Variants in RAG1 observed in about 807,000 individuals in gnomAD.
RAG1 encodes the protein recombination activating 1, also known as V(D)J recombination-activating protein 1.
In RAG1, 35 loss-of-function variants were observed where a neutral mutation model predicts 62.7. That is an observed-to-expected ratio of 0.56 (90% confidence interval 0.43 to 0.74). The LOEUF is 0.74. RAG1 is among the 30% of genes least tolerant of loss of function. RAG1 has a pLI of 0.00. For missense variants in RAG1, 1,169 were observed against 1,278.6 expected (o/e 0.91, Z 1.31); for synonymous variants, 461 against 470.3 (o/e 0.98, Z 0.26).
chr11:36,526,235 TC>T (rs1417561507), intron 2 of RAG1, among the ~76,000 whole-genome samples: 1 of 54,088 alleles, frequency 1.8e-5, no homozygotes, highest in Non-Finnish European at 3.5e-5. Context: ...CCTTCCCCCC[TC>T]CCCCCACCCC....
At chr11:36,568,841 AG>A (rs1564986649) in intron 1 of RAG1, among the ~76,000 whole-genome samples, 1 of 152,186 alleles carries the variant, frequency 6.6e-6, no homozygotes, top group Non-Finnish European at 1.5e-5. Context: ...GGTTGTCTGA[AG>A]GAAGAGCAAG....
chr11:36,551,406 T>C (rs574528579), intron 3 of RAG1, among the ~76,000 whole-genome samples: 2 of 152,196 alleles, frequency 1.3e-5, no homozygotes, highest in African/African-American at 4.8e-5. Context: ...TTTTGGAGGC[T>C]AGAAGTTTGA....
chr11:36,519,356 A>G (rs1860043247), intron 1 of RAG1, among the ~76,000 whole-genome samples: 1 of 152,216 alleles, frequency 6.6e-6, no homozygotes, highest in Non-Finnish European at 1.5e-5. Context: ...ACACAGTTGG[A>G]AACTGAAATT....
intron 1 of RAG1, among the ~76,000 whole-genome samples, chr11:36,518,369 A>T (rs1422170593): frequency 6.6e-6 from 1 of 152,114 alleles, no homozygotes. Context: ...AATGGGATGG[A>T]TGGGTCAAAT....
chr11:36,528,003 T>C (rs534632953), intron 2 of RAG1, among the ~76,000 whole-genome samples: 4 of 151,876 alleles, frequency 2.6e-5, no homozygotes, highest in Non-Finnish European at 5.9e-5. Flanking sequence ...AAATATACAA[T>C]CATGTCATCT....
At chr11:36,557,617 G>A (rs1218785904) in intron 3 of RAG1, among the ~76,000 whole-genome samples, 1 of 152,040 alleles carries the variant, frequency 6.6e-6, no homozygotes, top group African/African-American at 2.4e-5. Context: ...GTTCCTATTC[G>A]GCCATCTTGG....
intron 3 of RAG1, among the ~76,000 whole-genome samples, chr11:36,560,220 G>A (rs921963938): frequency 3.9e-5 from 6 of 152,188 alleles, no homozygotes; most frequent in Non-Finnish European, 7.3e-5. Context: ...GGTAGGGTAT[G>A]TGTTGGGCAT....
At position 36,575,952 on chromosome 11, in the gene RAG1, G is replaced by A. The variant is rs761022716; in HGVS notation, c.2648G>A (p.Arg883Lys). 3.7e-6 allele frequency: 6 copies of A among 1,614,182 alleles called. No individual in the cohort carries two copies. The highest frequency in any genetic ancestry group is 5.1e-6 in the Non-Finnish European group (6 of 1,180,028). ...IPSEERHEAL[R>K]ELMDLYLKMK... Reference sequence around the variant, plus strand: ...TCCGAGGAGAGGCACGAGGCTCTGAGGGAGCTGATGGATCTTTACCTGAAG... The same window carrying A: ...TCCGAGGAGAGGCACGAGGCTCTGAAGGAGCTGATGGATCTTTACCTGAAG... Residue 883 changes from arginine (R) to lysine (K), a missense_variant, in exon 2 of 2, where the codon AGG becomes AAG. Transcript: ENST00000299440. This position sits in a 1 kb window ranked among gnomAD's most constrained non-coding sequence, Gnocchi z 4.1.
intron 1 of RAG1, among the ~76,000 whole-genome samples, chr11:36,511,700 A>G (rs572557875): frequency 1.3e-5 from 2 of 152,356 alleles, no homozygotes; most frequent in East Asian, 3.9e-4. Context: ...TTTAAAAAAT[A>G]AAACATTGCC....
chr11:36,568,222 G>A (rs1590697586), intron 1 of RAG1, 100 bp downstream of exon 1: 2 of 152,114 alleles, frequency 1.3e-5, no homozygotes, highest in African/African-American at 4.8e-5. Flanking sequence ...AGGTGATGAG[G>A]GGATGGAATG....
intron 2 of RAG1, among the ~76,000 whole-genome samples, chr11:36,530,856 C>A (rs1860242642): frequency 6.6e-6 from 1 of 151,906 alleles, no homozygotes; most frequent in African/African-American, 2.4e-5. Flanking sequence ...GTTCTTATAT[C>A]CTTGCCAATT....
At chr11:36,548,246 T>C (rs941017690) in intron 3 of RAG1, among the ~76,000 whole-genome samples, 2 of 152,204 alleles carry the variant, frequency 1.3e-5, no homozygotes, top group African/African-American at 4.8e-5. Context: ...ACCACTCCTA[T>C]TCAACATAGT....
At chr11:36,513,839 GA>G (rs1032307521) in intron 1 of RAG1, among the ~76,000 whole-genome samples, 5 of 152,166 alleles carry the variant, frequency 3.3e-5, no homozygotes, top group African/African-American at 1.2e-4. Context: ...CAGTATGGGG[GA>G]AACTGCCCCT....
Position 36,573,933 on chromosome 11 carries a change from C to G in RAG1, c.629C>G (p.Ser210Cys). Reference protein sequence around the residue: ...VTMEWHPHTPSCDICNTARRG... With the variant: ...VTMEWHPHTPCCDICNTARRG... ...ATGGAGTGGCACCCCCACACACCAT[C>G]CTGTGACATCTGCAACACTGCCCGT... The change falls in exon 2 of 2, where the codon TCC (serine) becomes TGC (cysteine). Residue 210 changes from serine (S) to cysteine (C), a missense_variant. Physicochemically the swap from Ser to Cys is moderately radical, Grantham distance 112. Coordinates refer to ENST00000299440, the MANE Select transcript of RAG1 (RefSeq NM_000448.3). The G allele has an allele frequency of 1.2e-6, 2 of 1,614,108 alleles. No individual in the cohort carries two copies. Among genetic ancestry groups the G allele is most frequent in the Non-Finnish European group, 1.7e-6 (2 of 1,180,038 alleles).
At chr11:36,563,612 A>T (rs1850621017), upstream of RAG1, 1 of 152,188 alleles carries the variant, frequency 6.6e-6, no homozygotes, top group Non-Finnish European at 1.5e-5. Context: ...ACTGTTCATA[A>T]GTTGAAAGTG....
intron 3 of RAG1, among the ~76,000 whole-genome samples, chr11:36,546,068 G>A (rs145116919): frequency 0.02 from 2,993 of 152,306 alleles, 99 homozygotes; most frequent in African/African-American, 0.068. Flanking sequence ...TTGATTTGGG[G>A]TGGAGAGTTC....
chr11:36,521,617 A>G (rs1197680076), intron 2 of RAG1, among the ~76,000 whole-genome samples: 1 of 152,176 alleles, frequency 6.6e-6, no homozygotes, highest in Non-Finnish European at 1.5e-5. Context: ...GTGCTGCTGA[A>G]AAGATATCTG....
intron 1 of RAG1, among the ~76,000 whole-genome samples, chr11:36,512,202 C>T (rs1291927259): frequency 2.0e-5 from 3 of 152,146 alleles, no homozygotes; most frequent in African/African-American, 4.8e-5. Flanking sequence ...TGAGCTATGA[C>T]GAGAAGGATG....
In RAG1 at chr11:36,575,832, A is replaced by G. The variant is rs1229287793; in HGVS notation, c.2528A>G (p.Lys843Arg). 1 of 1,614,134 alleles carries G rather than the reference A, an allele frequency of 6.2e-7. No homozygotes were observed. Among genetic ancestry groups the G allele is most frequent in the African/African-American group, 1.3e-5 (1 of 74,948 alleles). The change falls in exon 2 of 2, where the codon AAG (lysine) becomes AGG (arginine). Residue 843 changes from lysine (K) to arginine (R), a missense_variant. Physicochemically the swap from Lys to Arg is conservative, Grantham distance 26. Coordinates refer to ENST00000299440, the MANE Select transcript of RAG1 (RefSeq NM_000448.3). The surrounding 1 kb of genome is among the most constrained non-coding windows in gnomAD (Gnocchi z 4.1). ...QATLDKHLRK[K>R]MNLKPIMRMN... ...ACACTGGACAAGCATCTCCGGAAGAAGATGAACCTCAAACCAATCATGAGG... is the reference window on the plus strand; with the variant it reads ...ACACTGGACAAGCATCTCCGGAAGAGGATGAACCTCAAACCAATCATGAGG...
Sources: gnomAD v4.1 joint callset for allele counts (sites outside exome capture counted in the v4.1 genomes callset) on GRCh38, gnomAD v4.1.1 for gene constraint, Gnocchi (gnomAD v3.1) non-coding constraint, MANE v1.5 for transcripts, NCBI Gene and HGNC (gene_info 2026-07-23, HGNC 2026-07-21) for gene names.